GFRAL: variants seen among roughly 807,000 people sequenced by gnomAD.
GFRAL encodes the protein GDNF family receptor alpha-like.
A neutral mutation model predicts 45.4 loss-of-function variants in GFRAL; 36 were observed. The observed-to-expected ratio is 0.79, with a 90% CI of 0.61 to 1.05. The LOEUF is 1.05. GFRAL is among the 50% of genes least tolerant of loss of function. The probability of loss-of-function intolerance (pLI) is 0.00; values close to 1 mark genes in which losing one functional copy is unlikely to be tolerated. For synonymous variants in GFRAL, 166 were observed against 154.1 expected, an observed-to-expected ratio of 1.08 and a Z score of -0.57; for missense variants, 507 against 467.5, an observed-to-expected ratio of 1.08 and a Z score of -0.78.
intron 3 of GFRAL, among the ~76,000 whole-genome samples, chr6:55,344,745 C>A (rs577135663): frequency 1.3e-5 from 2 of 152,294 alleles, no homozygotes; most frequent in African/African-American, 2.4e-5. Flanking sequence ...AAGAGAAAGT[C>A]AAATTGTCCC....
At chr6:55,358,378 T>C (rs1375164709) in intron 5 of GFRAL, among the ~76,000 whole-genome samples, 1 of 151,954 alleles carries the variant, frequency 6.6e-6, no homozygotes, top group Non-Finnish European at 1.5e-5. Flanking sequence ...ATCAAATACA[T>C]ACAGAAATTT....
At chr6:55,400,151 A>T (rs931638665) in intron 8 of GFRAL, among the ~76,000 whole-genome samples, 1 of 79,942 alleles carries the variant, frequency 1.3e-5, no homozygotes, top group African/African-American at 3.6e-5. Context: ...CTTGCCTTTA[A>T]TTAAAAAAAA....
At chr6:55,352,441 G>A (rs149819458) in intron 5 of GFRAL, among the ~76,000 whole-genome samples, 2,014 of 152,112 alleles carry the variant, frequency 0.013, 24 homozygotes, top group Non-Finnish European at 0.022. Context: ...AGTCTGATGT[G>A]GGGAGAATTG....
At position 55,351,403 on chromosome 6, in the gene GFRAL, T is replaced by A. The variant is rs369163760; in HGVS notation, c.521T>A (p.Phe174Tyr). 21 of 1,613,646 alleles carry A rather than the reference T, an allele frequency of 1.3e-5. No individual in the cohort carries two copies. In the African/African-American group the frequency reaches 2.8e-4, roughly 22 times the overall value. Residue 174 changes from phenylalanine to tyrosine, a missense_variant, in exon 5 of 9, where the codon TTC becomes TAC. By Grantham distance (22) the Phe-to-Tyr change is conservative. Coordinates refer to ENST00000340465, the MANE Select transcript of GFRAL (RefSeq NM_207410.2). ...LKQCQAAIRF[F>Y]YQNIPFNIAQ... Reference sequence around the variant, plus strand: ...CAGTGCCAAGCAGCCATACGGTTCTTCTATCAAAATATACCTTTTAACATT... The same window carrying A: ...CAGTGCCAAGCAGCCATACGGTTCTACTATCAAAATATACCTTTTAACATT...
At chr6:55,399,470 T>C in intron 8 of GFRAL, 29 bp downstream of exon 8, 1 of 1,425,998 alleles carries the variant, frequency 7.0e-7, no homozygotes. Context: ...GAAGGAAAGG[T>C]CTGAAAGGGA....
At chr6:55,332,400 A>G (rs1467696617) in intron 2 of GFRAL, among the ~76,000 whole-genome samples, 1 of 151,578 alleles carries the variant, frequency 6.6e-6, no homozygotes, top group African/African-American at 2.4e-5. Flanking sequence ...TTGGAGAGTG[A>G]CTGGTATTTT....
chr6:55,379,760 T>C (rs1306324812), intron 6 of GFRAL, among the ~76,000 whole-genome samples: 9 of 151,916 alleles, frequency 5.9e-5, no homozygotes, highest in Admixed American at 5.9e-4. Context: ...ATCTCCTGAA[T>C]TTTTTCTTCC....
At chr6:55,358,810 A>T in intron 5 of GFRAL, 78 bp from the exon 6 acceptor site, 2 of 1,373,814 alleles carry the variant, frequency 1.5e-6, no homozygotes. Context: ...TATGTCTTTC[A>T]TTAGGTGAGG....
At chr6:55,354,016 C>T (rs1350809374) in intron 5 of GFRAL, among the ~76,000 whole-genome samples, 2 of 151,988 alleles carry the variant, frequency 1.3e-5, no homozygotes, top group Non-Finnish European at 2.9e-5. Context: ...AGCAAAATCA[C>T]TATAAAAATA....
chr6:55,346,086 G>T (rs1057176749), intron 3 of GFRAL, among the ~76,000 whole-genome samples: 1 of 152,182 alleles, frequency 6.6e-6, no homozygotes, highest in Non-Finnish European at 1.5e-5. Flanking sequence ...CTTTTACACT[G>T]TTGGTGGGAC....
intron 3 of GFRAL, among the ~76,000 whole-genome samples, chr6:55,340,379 C>A (rs1040003564): frequency 2.0e-5 from 3 of 152,128 alleles, no homozygotes; most frequent in Non-Finnish European, 2.9e-5. Context: ...AGCAGAATAC[C>A]TGACGCTTAG....
In GFRAL at chr6:55,351,370, A is replaced by C; in HGVS notation, c.488A>C (p.Asp163Ala). The change falls in exon 5 of 9, where the codon GAT becomes GCT. Residue 163 changes from aspartate to alanine, a missense_variant. Asp to Ala is a moderately radical substitution (Grantham distance 126). Coordinates refer to ENST00000340465, the MANE Select transcript of GFRAL (RefSeq NM_207410.2). ...KACSANGNPCDLKQCQAAIRF... is the reference protein window; with the variant it reads ...KACSANGNPCALKQCQAAIRF... The stretch of plus-strand genomic sequence containing the variant: ...TGCTCAGCAAATGGAAATCCGTGTG[A>C]TCTGAAACAGTGCCAAGCAGCCATA... 1 of 1,613,700 alleles carries C rather than the reference A, an allele frequency of 6.2e-7. No homozygotes were observed. Among genetic ancestry groups the C allele is most frequent in the South Asian group, 1.1e-5 (1 of 91,074 alleles).
intron 6 of GFRAL, among the ~76,000 whole-genome samples, chr6:55,381,115 CA>C (rs1200238659): frequency 1.3e-5 from 2 of 151,866 alleles, no homozygotes; most frequent in Non-Finnish European, 2.9e-5. Context: ...TGCAAATAAG[CA>C]ATTGATCCTA....
At chr6:55,343,373 TC>T (rs1186077736) in intron 3 of GFRAL, among the ~76,000 whole-genome samples, 7 of 152,280 alleles carry the variant, frequency 4.6e-5, no homozygotes, top group African/African-American at 1.7e-4. Flanking sequence ...ATTAAGAAAC[TC>T]ACTCCAAACC....
At chr6:55,338,944 T>G (rs1910126) in intron 3 of GFRAL, among the ~76,000 whole-genome samples, 2 of 152,094 alleles carry the variant, frequency 1.3e-5, no homozygotes, top group African/African-American at 4.8e-5. Context: ...TTCTCAAAAG[T>G]TATCACAGGC....
At chr6:55,345,589 C>T (rs1314934611) in intron 3 of GFRAL, among the ~76,000 whole-genome samples, 1 of 152,130 alleles carries the variant, frequency 6.6e-6, no homozygotes, top group Non-Finnish European at 1.5e-5. Flanking sequence ...ACCATAAAAA[C>T]CCTAGAAGAA....
At chr6:55,387,240 G>A (rs1027661611) in intron 6 of GFRAL, among the ~76,000 whole-genome samples, 13 of 152,114 alleles carry the variant, frequency 8.5e-5, no homozygotes, top group African/African-American at 2.9e-4. Context: ...AACAATAACA[G>A]CCTTCAGTAC....
chr6:55,329,908 G>A (rs1014002450), intron 1 of GFRAL, among the ~76,000 whole-genome samples: 1 of 152,024 alleles, frequency 6.6e-6, no homozygotes, highest in African/African-American at 2.4e-5. Context: ...CATTGTCACA[G>A]GTGATTCATA....
intron 6 of GFRAL, among the ~76,000 whole-genome samples, chr6:55,395,520 A>G (rs917487756): frequency 2.6e-5 from 4 of 151,940 alleles, no homozygotes; most frequent in Non-Finnish European, 4.4e-5. Context: ...CTCATTCTAG[A>G]TACAGGCATT....
Sources: gnomAD v4.1 joint callset for allele counts (sites outside exome capture counted in the v4.1 genomes callset) on GRCh38, gnomAD v4.1.1 for gene constraint, MANE v1.5 for transcripts, NCBI Gene and HGNC (gene_info 2026-07-23, HGNC 2026-07-21) for gene names.